The following DAP variants were observed in gnomAD, a reference collection of about 807,000 sequenced individuals.
DAP encodes death associated protein, also known as death-associated protein 1.
A neutral mutation model predicts 13.8 loss-of-function variants in DAP; 8 were observed. That is an observed-to-expected ratio of 0.58 (90% CI 0.34 to 1.05). DAP has a LOEUF of 1.05. Ranked by LOEUF, DAP falls within the 50% of genes least tolerant of loss-of-function variation. The probability of loss-of-function intolerance (pLI) is 0.03; values close to 1 mark genes in which losing one functional copy is unlikely to be tolerated. For synonymous variants in DAP, 47 were observed against 47.5 expected (o/e 0.99, Z 0.04); for missense variants, 106 against 133.2 (o/e 0.80, Z 1.01).
intron 2 of DAP, among the ~76,000 whole-genome samples, chr5:10,718,136 G>C (rs1053631131): frequency 3.9e-5 from 6 of 152,204 alleles, no homozygotes; most frequent in Non-Finnish European, 4.4e-5. Context: ...ATTGGGGAAA[G>C]GGAAATGATC....
intron 2 of DAP, among the ~76,000 whole-genome samples, chr5:10,695,768 G>C (rs979881363): frequency 6.6e-6 from 1 of 152,130 alleles, no homozygotes; most frequent in Non-Finnish European, 1.5e-5. Flanking sequence ...TGGGAAGGAT[G>C]CTCTCATTTG....
In DAP at chr5:10,734,475, G is replaced by A. The variant is rs575168944; in HGVS notation, c.152+13700C>T. Among the ~76,000 whole-genome samples, 4 of 152,260 alleles carry A rather than the reference G, an allele frequency of 2.6e-5. No individual in the cohort carries two copies. In the South Asian group the frequency reaches 8.3e-4, roughly 32 times the overall value. On this transcript the variant is annotated intron_variant, in intron 2 of 3. Transcript: ENST00000230895. ...GTTCAGCCAGGATCTCGGACATATG[G>A]GTACCCATATGCTGTGCCGCTCTGT... is the stretch of plus-strand genomic sequence containing the variant.
At chr5:10,705,221 G>A (rs1032095643) in intron 2 of DAP, among the ~76,000 whole-genome samples, 5 of 152,172 alleles carry the variant, frequency 3.3e-5, no homozygotes, top group Admixed American at 6.5e-5. Flanking sequence ...TCAGCCCACC[G>A]CGGCCCACAC....
chr5:10,754,402 C>T (rs549125357), intron 1 of DAP, among the ~76,000 whole-genome samples: 1 of 152,124 alleles, frequency 6.6e-6, no homozygotes, highest in Non-Finnish European at 1.5e-5. Context: ...TTTGCACTCT[C>T]GTTGGCTTCA....
intron 2 of DAP, among the ~76,000 whole-genome samples, chr5:10,726,382 G>A (rs559887273): frequency 2.3e-4 from 35 of 152,216 alleles, no homozygotes; most frequent in Non-Finnish European, 2.2e-4. Flanking sequence ...TGCTCACAGC[G>A]TGGTGGGGAA....
intron 2 of DAP, among the ~76,000 whole-genome samples, chr5:10,689,126 T>C (rs922745241): frequency 2.0e-5 from 3 of 152,116 alleles, no homozygotes; most frequent in Admixed American, 6.5e-5. Flanking sequence ...CCCGGAGAAA[T>C]GTGTGTGAAC....
chr5:10,732,135 A>G (rs1311902137), intron 2 of DAP, among the ~76,000 whole-genome samples: 1 of 152,164 alleles, frequency 6.6e-6, no homozygotes, highest in African/African-American at 2.4e-5. Flanking sequence ...TGCAGGCTGA[A>G]CCTAGCCATG....
intron 2 of DAP, among the ~76,000 whole-genome samples, chr5:10,700,525 C>A (rs1738551137): frequency 3.3e-5 from 5 of 152,200 alleles, no homozygotes; most frequent in Admixed American, 3.3e-4. Context: ...AGCTGAGGCA[C>A]AGGTTCTGGT....
rs1482543761 is a variant in DAP at position 10,680,818 on chromosome 5, ACCT to A, written c.*235_*237del. 3 of 1,536,792 alleles carry A rather than the reference ACCT, an allele frequency of 2.0e-6. No individual in the cohort carries two copies. In the Admixed American group the frequency reaches 5.9e-5, roughly 30 times the overall value. On this transcript the variant is annotated 3_prime_UTR_variant, in exon 4 of 4. Transcript: ENST00000230895. The stretch of plus-strand genomic sequence containing the variant: ...GATCTTGGCAAATTCTGCTAATGGC[ACCT>A]CTAGGGGCACAATGATCCTCAAATG...
At chr5:10,727,555 G>C (rs1262634810) in intron 2 of DAP, among the ~76,000 whole-genome samples, 1 of 152,178 alleles carries the variant, frequency 6.6e-6, no homozygotes, top group Non-Finnish European at 1.5e-5. Flanking sequence ...GGTTTAGATG[G>C]GGGGGACTGG....
At chr5:10,725,214 T>C (rs1231444980) in intron 2 of DAP, among the ~76,000 whole-genome samples, 1 of 152,242 alleles carries the variant, frequency 6.6e-6, no homozygotes, top group Non-Finnish European at 1.5e-5. Context: ...TCATTGGTTT[T>C]AACCCTGGCT....
chr5:10,746,761 T>A (rs1380956351), intron 2 of DAP, among the ~76,000 whole-genome samples: 1 of 152,234 alleles, frequency 6.6e-6, no homozygotes, highest in Admixed American at 6.5e-5. Context: ...CAAAATGCTG[T>A]TCTTCCCTCA....
At chr5:10,693,970 T>C (rs1738371215) in intron 2 of DAP, among the ~76,000 whole-genome samples, 1 of 152,176 alleles carries the variant, frequency 6.6e-6, no homozygotes, top group African/African-American at 2.4e-5. Flanking sequence ...TGTTCTATTT[T>C]ACGGAGGAAG....
chr5:10,683,622 G>A (rs1211314748), intron 2 of DAP, 51 bp from the exon 3 acceptor site: 4 of 1,570,174 alleles, frequency 2.5e-6, no homozygotes, highest in Non-Finnish European at 3.5e-6. Flanking sequence ...TCCACAACAG[G>A]GAACACGGTG....
intron 2 of DAP, among the ~76,000 whole-genome samples, chr5:10,712,065 T>G (rs1032607825): frequency 1.1e-4 from 16 of 152,072 alleles, no homozygotes; most frequent in African/African-American, 3.9e-4. Flanking sequence ...AAGAGGTGAT[T>G]AAGTTAAAAC....
At chr5:10,739,787 T>TCACA (rs35309839) in intron 2 of DAP, among the ~76,000 whole-genome samples, 10,182 of 148,544 alleles carry the variant, frequency 0.069, 410 homozygotes, top group African/African-American at 0.1. Context: ...CTAAATTAAC[T>TCACA]CACACACACA....
At chr5:10,683,731 C>T (rs1328711137) in intron 2 of DAP, among the ~76,000 whole-genome samples, 160 bp from the exon 3 acceptor site, 3 of 152,206 alleles carry the variant, frequency 2.0e-5, no homozygotes, top group Non-Finnish European at 2.9e-5. Flanking sequence ...GATCACACTA[C>T]GGGGCTCGGG....
At chr5:10,743,550 A>G (rs556025468) in intron 2 of DAP, among the ~76,000 whole-genome samples, 4 of 152,174 alleles carry the variant, frequency 2.6e-5, no homozygotes, top group African/African-American at 9.6e-5. Flanking sequence ...CCTGTTATCC[A>G]TTCCTTTTTA....
At chr5:10,708,054 G>A (rs1738742378) in intron 2 of DAP, among the ~76,000 whole-genome samples, 1 of 152,164 alleles carries the variant, frequency 6.6e-6, no homozygotes, top group South Asian at 2.1e-4. Context: ...ACAACTCCAG[G>A]CAGATATACC....
Sources: gnomAD v4.1 joint callset for allele counts (sites outside exome capture counted in the v4.1 genomes callset) on GRCh38, gnomAD v4.1.1 for gene constraint, MANE v1.5 for transcripts, NCBI Gene and HGNC (gene_info 2026-07-23, HGNC 2026-07-21) for gene names.